B3GALNT1: variants seen among roughly 807,000 people sequenced by gnomAD.
B3GALNT1 encodes beta-1,3-N-acetylgalactosaminyltransferase 1 (Globoside blood group), also known as UDP-GalNAc:beta-1,3-N-acetylgalactosaminyltransferase 1.
B3GALNT1 carries 17 observed loss-of-function variants against 27.3 expected under a neutral mutation model. That is an observed-to-expected ratio of 0.62 (90% CI 0.43 to 0.94). The LOEUF (loss-of-function observed/expected upper bound fraction) is 0.94, where lower values mean the gene tolerates loss of function less well. Ranked by LOEUF, B3GALNT1 falls within the 40% of genes least tolerant of loss-of-function variation. B3GALNT1 has a pLI of 0.00. For synonymous variants in B3GALNT1, 141 were observed against 144.0 expected, an observed-to-expected ratio of 0.98 and a Z score of 0.15; for missense variants, 347 against 390.0, an observed-to-expected ratio of 0.89 and a Z score of 0.93.
At position 161,086,531 on chromosome 3, in the gene B3GALNT1, T is replaced by G. The variant is rs1358713085; in HGVS notation, c.224A>C (p.His75Pro). 3 of 1,614,120 alleles carry G rather than the reference T, an allele frequency of 1.9e-6. No homozygotes were observed. The African/African-American group carries it at 4.0e-5, about 22-fold the overall frequency. Reference protein sequence around the residue: ...FTLREHSNCSHQNPFLVILVT... With the variant: ...FTLREHSNCSPQNPFLVILVT... ...CAGAATGACCAGAAATGGATTTTGATGAGAGCAGTTTGAATGCTCTCGAAG... is the reference window on the plus strand; with the variant it reads ...CAGAATGACCAGAAATGGATTTTGAGGAGAGCAGTTTGAATGCTCTCGAAG... Residue 75 changes from histidine (H) to proline (P), a missense_variant, in exon 5 of 5, where the codon CAT (histidine) becomes CCT (proline). Transcript: ENST00000320474.
chr3:161,102,859 A>G (rs1004258863), intron 3 of B3GALNT1, among the ~76,000 whole-genome samples: 4 of 152,196 alleles, frequency 2.6e-5, no homozygotes, highest in South Asian at 2.1e-4. Context: ...GCATCATCCA[A>G]TGGTGGATGG....
At chr3:161,091,083 C>T (rs1724822306) in intron 4 of B3GALNT1, among the ~76,000 whole-genome samples, 2 of 151,990 alleles carry the variant, frequency 1.3e-5, no homozygotes, top group Admixed American at 6.6e-5. Flanking sequence ...GCCTGGGCAA[C>T]ATAGTGAGAC....
Position 161,098,651 on chromosome 3 carries a change from T to C in B3GALNT1, c.-35+2488A>G, listed in dbSNP as rs1264662018. ...TTAAAGAAAGGGAAGTTTAGTCCAA[T>C]TTCCATGCAAATCATGCTCACCCAG... On this transcript the variant is annotated intron_variant, in intron 4 of 4. Transcript: ENST00000320474. 4.6e-5 allele frequency among the ~76,000 whole-genome samples: 7 copies of C among 152,334 alleles called. No individual in the cohort carries two copies. The East Asian group carries it at 1.4e-3, about 29-fold the overall frequency.
At chr3:161,092,389 C>A (rs1725589278) in intron 4 of B3GALNT1, among the ~76,000 whole-genome samples, 1 of 152,056 alleles carries the variant, frequency 6.6e-6, no homozygotes, top group Non-Finnish European at 1.5e-5. Context: ...AATTCTAAAA[C>A]TACACACAAG....
chr3:161,085,564 C>T lies in B3GALNT1; in HGVS notation c.*195G>A. 1 of 605,336 alleles carries T rather than the reference C, an allele frequency of 1.7e-6. No individual in the cohort carries two copies. Among genetic ancestry groups the T allele is most frequent in the East Asian group, 2.8e-5 (1 of 35,610 alleles). The allele number at this position is 605,336 out of a possible 1,614,324, so 37.5% of individuals were successfully genotyped here. ...TCCAATTCCTTTATATTTAATTCCTCCACATATCATCTTTGAAGGGCCTGA... is the reference window on the plus strand; with the variant it reads ...TCCAATTCCTTTATATTTAATTCCTTCACATATCATCTTTGAAGGGCCTGA... On this transcript the variant is annotated 3_prime_UTR_variant, in exon 5 of 5. Transcript: ENST00000320474.
intron 4 of B3GALNT1, among the ~76,000 whole-genome samples, chr3:161,099,797 TCC>T (rs1184048470): frequency 6.6e-6 from 1 of 151,072 alleles, no homozygotes; most frequent in Non-Finnish European, 1.5e-5. Flanking sequence ...CTAGATTGTG[TCC>T]CCCTTCTCTA....
chr3:161,098,702 T>G (rs1388506029), intron 4 of B3GALNT1, among the ~76,000 whole-genome samples: 1 of 152,198 alleles, frequency 6.6e-6, no homozygotes, highest in African/African-American at 2.4e-5. Context: ...CTCCAACAAG[T>G]TCACTTTTTG....
intron 4 of B3GALNT1, among the ~76,000 whole-genome samples, chr3:161,088,531 C>T (rs1723260666): frequency 6.6e-6 from 1 of 152,134 alleles, no homozygotes; most frequent in Non-Finnish European, 1.5e-5. Context: ...CTCCCCTATC[C>T]CCTTTACTTG....
intron 4 of B3GALNT1, among the ~76,000 whole-genome samples, chr3:161,089,753 T>C (rs1471370223): frequency 2.6e-5 from 4 of 152,012 alleles, no homozygotes; most frequent in African/African-American, 9.7e-5. Context: ...TAAATGTAAA[T>C]GTAAACTTAT....
chr3:161,103,511 T>C lies in B3GALNT1; in HGVS notation c.-214A>G. The C allele has an allele frequency of 8.0e-7, 1 of 1,244,068 alleles. No homozygotes were observed. The highest frequency in any genetic ancestry group is 1.0e-6 in the Non-Finnish European group (1 of 954,240). The allele number at this position is 1,244,068 out of a possible 1,614,324, so 77.1% of individuals were successfully genotyped here. ...TTAATTAAAACACTCAGATCTGTTG[T>C]GAACTACTGAACAGAAGAACAGAAA... On this transcript the variant is annotated 5_prime_UTR_variant, in exon 3 of 5. Coordinates refer to ENST00000320474, the MANE Select transcript of B3GALNT1 (RefSeq NM_003781.4).
rs559163968 is a variant in B3GALNT1, at chr3:161,085,522, T to A, written c.*237A>T. ...TGTCCAAATTGTTTGGTCCTATTAA[T>A]TTCTTTAGCAAAAACCTCCAATTCC... On this transcript the variant is annotated 3_prime_UTR_variant, in exon 5 of 5. Coordinates refer to ENST00000320474, the MANE Select transcript of B3GALNT1 (RefSeq NM_003781.4). 5.7e-6 allele frequency: 3 copies of A among 530,874 alleles called. No individual in the cohort carries two copies. In the Admixed American group the frequency reaches 1.0e-4, roughly 18 times the overall value. The allele number at this position is 530,874 out of a possible 1,614,324, so 32.9% of individuals were successfully genotyped here. A position where few individuals can be genotyped will look rare whatever the true frequency, so the allele number is the denominator to read the frequency against.
Position 161,085,967 on chromosome 3 carries a change from A to T in B3GALNT1, c.788T>A (p.Ile263Asn). Residue 263 changes from isoleucine to asparagine, a missense_variant, in exon 5 of 5, where the codon ATC becomes AAC. Physicochemically the swap from Ile to Asn is moderately radical, Grantham distance 149. Coordinates refer to ENST00000320474, the MANE Select transcript of B3GALNT1 (RefSeq NM_003781.4). Reference sequence around the variant, plus strand: ...CCCGACATAAACATCTTCAAACTTGATGGGTTTTACGTGACCCATCATTTC... The same window carrying T: ...CCCGACATAAACATCTTCAAACTTGTTGGGTTTTACGTGACCCATCATTTC... ...IYEMMGHVKP[I>N]KFEDVYVGIC... 1.3e-6 allele frequency: 2 copies of T among 1,599,412 alleles called. No individual in the cohort carries two copies. The highest frequency in any genetic ancestry group is 1.7e-6 in the Non-Finnish European group (2 of 1,173,058).
rs946510222 is a variant in B3GALNT1 at position 161,092,784 on chromosome 3, T to G, written c.-34-5996A>C. ...TTTTCTTTTTTTTTTTTTTTTTTTT[T>G]GAGATGGAGTCTCGCTCTGTCGCCC... On this transcript the variant is annotated intron_variant, in intron 4 of 4. Transcript: ENST00000320474. Among the ~76,000 whole-genome samples the G allele has an allele frequency of 2.0e-5, 3 of 148,218 alleles. No individual in the cohort carries two copies. In the South Asian group the frequency reaches 6.5e-4, roughly 32 times the overall value.
chr3:161,087,416 T>G (rs1406520478), intron 4 of B3GALNT1, among the ~76,000 whole-genome samples: 1 of 152,228 alleles, frequency 6.6e-6, no homozygotes. Context: ...TCTTGAGTTT[T>G]CAAACACTGA....
intron 4 of B3GALNT1, among the ~76,000 whole-genome samples, chr3:161,090,739 T>C (rs887071070): frequency 2.0e-5 from 3 of 152,052 alleles, no homozygotes; most frequent in South Asian, 2.1e-4. Context: ...AAAATCCTTA[T>C]ATACACAATT....
At position 161,089,194 on chromosome 3, in the gene B3GALNT1, G is replaced by C. The variant is rs183711910; in HGVS notation, c.-34-2406C>G. Among the ~76,000 whole-genome samples, 31 of 152,266 alleles carry C rather than the reference G, an allele frequency of 2.0e-4. No individual in the cohort carries two copies. In the East Asian group the frequency reaches 6.0e-3, roughly 29 times the overall value. ...TCTCTATATTGAAGATATTAATATA[G>C]TGCAAATTAGTGATAATATATGCAA... On this transcript the variant is annotated intron_variant, in intron 4 of 4. Transcript: ENST00000320474.
rs1447844071 is a variant in B3GALNT1 at position 161,105,293 on chromosome 3, T to G, written c.-367A>C. ...GGGAAGGTGGCCGGCGTTCTCTCCCTGCGCACACACGCAGCCTCCCCGCAT... is the reference window on the plus strand; with the variant it reads ...GGGAAGGTGGCCGGCGTTCTCTCCCGGCGCACACACGCAGCCTCCCCGCAT... On this transcript the variant is annotated 5_prime_UTR_variant, in exon 1 of 5. Transcript: ENST00000320474. 4 of 151,992 alleles carry G rather than the reference T, an allele frequency of 2.6e-5. No homozygotes were observed. The highest frequency in any genetic ancestry group is 9.7e-5 in the African/African-American group (4 of 41,366). 9.4% of individuals were successfully genotyped at this position (151,992 alleles called of 1,614,324 possible).
At position 161,085,839 on chromosome 3, in the gene B3GALNT1, T is replaced by C. The variant is rs1721361953; in HGVS notation, c.916A>G (p.Ile306Val). ...TTGGAAGAAAAGCCATGGGCTGCAA[T>C]CACACGTCTCAGTTGACAGACATCC... Reference protein sequence around the residue: ...HLDVCQLRRVIAAHGFSSKEI... With the variant: ...HLDVCQLRRVVAAHGFSSKEI... The change falls in exon 5 of 5, where the codon ATT (isoleucine) becomes GTT (valine). Residue 306 changes from isoleucine (I) to valine (V), a missense_variant. Coordinates refer to ENST00000320474, the MANE Select transcript of B3GALNT1 (RefSeq NM_003781.4). 6.2e-7 allele frequency: 1 copy of C among 1,614,174 alleles called. No individual in the cohort carries two copies. Among genetic ancestry groups the C allele is most frequent in the East Asian group, 2.2e-5 (1 of 44,868 alleles).
intron 4 of B3GALNT1, among the ~76,000 whole-genome samples, chr3:161,090,346 A>G (rs1419339711): frequency 6.6e-6 from 1 of 152,176 alleles, no homozygotes; most frequent in Non-Finnish European, 1.5e-5. Context: ...ATAAAAAAGG[A>G]TATGAATGTT....
Sources: allele counts gnomAD v4.1 joint callset (sites outside exome capture counted in the v4.1 genomes callset), GRCh38; gene constraint gnomAD v4.1.1; transcripts MANE v1.5; gene names NCBI Gene and HGNC (gene_info 2026-07-23, HGNC 2026-07-21).